ADPRHL1: variants seen among roughly 807,000 people sequenced by gnomAD.
ADPRHL1 encodes inactive ADP-ribosyltransferase ARH2.
Under a neutral mutation model 44.1 loss-of-function variants are expected in ADPRHL1, and 43 were observed. That is an observed-to-expected ratio of 0.98 (90% CI 0.76 to 1.26). The LOEUF is 1.26. Ranked by LOEUF, ADPRHL1 falls within the 50% of genes most tolerant of loss-of-function variation. ADPRHL1 has a pLI of 0.00. For synonymous variants in ADPRHL1, 878 were observed against 1,017.4 expected (o/e 0.86, Z 2.61); for missense variants, 2,022 against 2,496.9 (o/e 0.81, Z 4.05).
At chr13:113,442,993 T>C (rs13313351) in intron 2 of ADPRHL1, among the ~76,000 whole-genome samples, 6,305 of 152,312 alleles carry the variant, frequency 0.041, 228 homozygotes, top group African/African-American at 0.085. Context: ...TATTCTAAAA[T>C]GAGACATTAT....
chr13:113,438,550 G>C (rs1244191075), intron 2 of ADPRHL1, among the ~76,000 whole-genome samples: 1 of 152,070 alleles, frequency 6.6e-6, no homozygotes, highest in Non-Finnish European at 1.5e-5. Flanking sequence ...CAAAAATTAA[G>C]TGGCATGGTG....
At chr13:113,413,737 G>A (rs1208229949) in intron 7 of ADPRHL1, among the ~76,000 whole-genome samples, 1 of 152,212 alleles carries the variant, frequency 6.6e-6, no homozygotes, top group Non-Finnish European at 1.5e-5. Context: ...CTGTGTGACC[G>A]CTGCCCGCCC....
At position 113,409,609 on chromosome 13, in the gene ADPRHL1, G is replaced by A; in HGVS notation, c.1062-1389C>T. ...ATTGTTTTTAAGAAGCTGAGGCCGG[G>A]CGCCGTGGCTCACGCCTGTAATCTC... On this transcript the variant is annotated intron_variant, in intron 7 of 7. Transcript: ENST00000612156. This position sits in a 1 kb window ranked among gnomAD's most constrained non-coding sequence, Gnocchi z 4.2. 2.0e-6 allele frequency: 2 copies of A among 985,418 alleles called. No homozygotes were observed. Among genetic ancestry groups the A allele is most frequent in the Non-Finnish European group, 2.4e-6 (2 of 829,940 alleles). 61.0% of individuals were successfully genotyped at this position (985,418 alleles called of 1,614,324 possible).
At chr13:113,420,048 A>T (rs1208746136) in intron 7 of ADPRHL1, among the ~76,000 whole-genome samples, 1 of 151,334 alleles carries the variant, frequency 6.6e-6, no homozygotes, top group Non-Finnish European at 1.5e-5. Flanking sequence ...TGACCGTGTT[A>T]TCTGGGTGGT....
intron 7 of ADPRHL1, among the ~76,000 whole-genome samples, chr13:113,416,478 C>T (rs7989816): frequency 0.45 from 68,567 of 151,802 alleles, 16,120 homozygotes; most frequent in African/African-American, 0.55. Context: ...TGGATGCTCT[C>T]CCAGGCCTGA....
Position 113,407,180 on chromosome 13 carries a change from G to A in ADPRHL1, c.2102C>T (p.Ala701Val). 8.1e-7 allele frequency: 1 copy of A among 1,232,260 alleles called. No individual in the cohort carries two copies. Among genetic ancestry groups the A allele is most frequent in the Non-Finnish European group, 1.0e-6 (1 of 988,044 alleles). The allele number at this position is 1,232,260 out of a possible 1,614,324, so 76.3% of individuals were successfully genotyped here. Residue 701 changes from alanine to valine, a missense_variant, in exon 8 of 8, where the codon GCT becomes GTT. Physicochemically the swap from Ala to Val is moderately conservative, Grantham distance 64. Around this residue, in one of 8 missense-constraint regions of ADPRHL1, gnomAD observed 1,221 missense variants for 1,517.8 expected, o/e 0.80. Coordinates refer to ENST00000612156, the MANE Select transcript of ADPRHL1 (RefSeq NM_001394807.1). Reference protein sequence around the residue: ...PQVMAQRDGHAVPSLAFSCAP... With the variant: ...PQVMAQRDGHVVPSLAFSCAP... ...ACAAGAGAAGGCCAGCGAGGGGACA[G>A]CGTGGCCGTCCCTCTGAGCCATCAC... is the stretch of plus-strand genomic sequence containing the variant.
At chr13:113,429,420 G>A (rs1409898849) in intron 3 of ADPRHL1, among the ~76,000 whole-genome samples, 1 of 152,202 alleles carries the variant, frequency 6.6e-6, no homozygotes, top group African/African-American at 2.4e-5. Flanking sequence ...GACCGCACGC[G>A]ATTTGTCCCT....
intron 2 of ADPRHL1, among the ~76,000 whole-genome samples, chr13:113,437,127 T>C (rs868787977): frequency 3.0e-4 from 32 of 107,454 alleles, no homozygotes; most frequent in Admixed American, 5.8e-4. Context: ...CACCCACACG[T>C]AGAGTGAACA....
intron 7 of ADPRHL1, among the ~76,000 whole-genome samples, chr13:113,415,750 CAAAAAAAA>C (rs71214119): frequency 3.2e-5 from 2 of 63,044 alleles, no homozygotes; most frequent in African/African-American, 6.0e-5. Context: ...GACTCCATCT[CAAAAAAAA>C]AAAAAAAAAA....
In ADPRHL1 at chr13:113,405,859, C is replaced by T. The variant is rs566396575; in HGVS notation, c.3423G>A (p.Ala1141=). 164 of 1,231,940 alleles carry T rather than the reference C, an allele frequency of 1.3e-4. No homozygotes were observed. In the Middle Eastern group the frequency reaches 3.7e-3, roughly 28 times the overall value. The allele number at this position is 1,231,940 out of a possible 1,614,324, so 76.3% of individuals were successfully genotyped here. Residue 1141 remains alanine (A), a synonymous_variant, in exon 8 of 8, where the codon GCG becomes GCA. Coordinates refer to ENST00000612156, the MANE Select transcript of ADPRHL1 (RefSeq NM_001394807.1). ...GSTQSPGDRT[A]GEPETLGQWG... ...ACTGGCCCAGCGTCTCTGGCTCTCC[C>T]GCTGTGCGGTCTCCAGGGCTCTGGG...
At chr13:113,433,621 C>T (rs2044022691) in intron 3 of ADPRHL1, 121 bp downstream of exon 3, 17 of 1,460,780 alleles carry the variant, frequency 1.2e-5, no homozygotes, top group South Asian at 5.4e-5. Context: ...TTTAAGCAGA[C>T]GTGCAGATGG....
Position 113,441,030 on chromosome 13 carries a change from G to GT in ADPRHL1, c.379+3394dup, listed in dbSNP as rs780168715. The stretch of plus-strand genomic sequence containing the variant: ...TAGCCAGGTGTGGTGGTGGGCGCCC[G>GT]TAGTCCCAGCTACTTGGGAGGTGGA... On this transcript the variant is annotated intron_variant, in intron 2 of 7. Transcript: ENST00000612156. This position sits in a 1 kb window ranked among gnomAD's most constrained non-coding sequence, Gnocchi z 6.0. Among the ~76,000 whole-genome samples the GT allele has an allele frequency of 3.0e-4, 45 of 152,204 alleles. No individual in the cohort carries two copies. The highest frequency in any genetic ancestry group is 5.1e-4 in the Non-Finnish European group (35 of 68,002).
intron 1 of ADPRHL1, among the ~76,000 whole-genome samples, chr13:113,451,151 C>T (rs2044177055): frequency 6.6e-6 from 1 of 152,228 alleles, no homozygotes; most frequent in Admixed American, 6.5e-5. Flanking sequence ...CTCACTATGT[C>T]CCCTCAGCTC....
chr13:113,412,809 A>AGAACTCGGTTCACCCACCGCCAACAGCG (rs1276719059), intron 7 of ADPRHL1, among the ~76,000 whole-genome samples: 4 of 41,036 alleles, frequency 9.7e-5, no homozygotes, highest in Admixed American at 4.8e-4. Flanking sequence ...CGCCAACAGC[A>AGAACTCGGTTCACCCACCGCCAACAGCG]CCCCGCAGAA....
At chr13:113,408,738 GCAAA>G (rs1373702594) in intron 7 of ADPRHL1, among the ~76,000 whole-genome samples, 15 of 152,292 alleles carry the variant, frequency 9.8e-5, no homozygotes, top group African/African-American at 3.6e-4. Context: ...TGAAGATTCA[GCAAA>G]CCGCTCAGGC....
At chr13:113,450,633 G>T (rs1323753662) in intron 1 of ADPRHL1, among the ~76,000 whole-genome samples, 2 of 152,174 alleles carry the variant, frequency 1.3e-5, no homozygotes, top group Admixed American at 1.3e-4. Context: ...ACTGGACAGG[G>T]GGCCCTTCCC....
At chr13:113,421,113 T>C (rs1595542550) in intron 7 of ADPRHL1, among the ~76,000 whole-genome samples, 2 of 56,152 alleles carry the variant, frequency 3.6e-5, no homozygotes, top group Non-Finnish European at 6.5e-5. Context: ...AGGACATGCC[T>C]ATCCCCAGGA....
At chr13:113,417,821 G>A (rs1203304833) in intron 7 of ADPRHL1, among the ~76,000 whole-genome samples, 1 of 152,264 alleles carries the variant, frequency 6.6e-6, no homozygotes, top group Non-Finnish European at 1.5e-5. Flanking sequence ...TACCAGGGGA[G>A]CTGCAGTGCC....
intron 2 of ADPRHL1, among the ~76,000 whole-genome samples, chr13:113,443,212 G>T (rs2044110940): frequency 6.6e-6 from 1 of 152,100 alleles, no homozygotes; most frequent in Admixed American, 6.5e-5. Flanking sequence ...ATATGCTGTT[G>T]AGTCCTGGAT....
Sources: gnomAD v4.1 joint callset for allele counts (sites outside exome capture counted in the v4.1 genomes callset) on GRCh38, gnomAD v4.1.1 for gene constraint, gnomAD v4.1.1 regional missense constraint, Gnocchi (gnomAD v3.1) non-coding constraint, MANE v1.5 for transcripts, NCBI Gene and HGNC (gene_info 2026-07-23, HGNC 2026-07-21) for gene names.